The following CENPE variants were observed in gnomAD, a reference collection of about 807,000 sequenced individuals.
CENPE encodes the protein centromere protein E.
Under a neutral mutation model 336.1 loss-of-function variants are expected in CENPE, and 145 were observed. That is an observed-to-expected ratio of 0.43 (90% CI 0.38 to 0.50). The LOEUF (loss-of-function observed/expected upper bound fraction) is 0.50, where lower values mean the gene tolerates loss of function less well. CENPE is among the 20% of genes least tolerant of loss of function. The pLI, the probability that CENPE is intolerant of heterozygous loss-of-function variation, is 0.00. For missense variants in CENPE, 2,719 were observed against 3,023.3 expected (o/e 0.90, Z 2.36); for synonymous variants, 1,013 against 984.8 (o/e 1.03, Z -0.54).
intron 16 of CENPE, among the ~76,000 whole-genome samples, chr4:103,169,828 G>A (rs570640374): frequency 6.6e-6 from 1 of 152,142 alleles, no homozygotes; most frequent in Non-Finnish European, 1.5e-5. Flanking sequence ...AAAGACACAT[G>A]CACACGTATA....
rs776221814 is a variant in CENPE at position 103,151,247 on chromosome 4, G to T, written c.3368C>A (p.Ala1123Glu). 1.3e-6 allele frequency: 2 copies of T among 1,598,032 alleles called. No individual in the cohort carries two copies. The highest frequency in any genetic ancestry group is 4.5e-5 in the East Asian group (2 of 44,488). Reference protein sequence around the residue: ...GELSRTCDRLAEVEEKLKEKS... With the variant: ...GELSRTCDRLEEVEEKLKEKS... ...TTCCTTTAGTTTTTCTTCAACTTCT[G>T]CCAGTCTGTCACAGGTCCTAGAAAG... Residue 1123 changes from alanine to glutamate, a missense_variant, in exon 26 of 49, where the codon GCA (alanine) becomes GAA (glutamate). Ala to Glu is a moderately radical substitution (Grantham distance 107, BLOSUM62 -1). This residue lies in a region of CENPE where 2,437 missense variants were observed against 2,513.3 expected (regional missense o/e 0.97). Transcript: ENST00000265148.
chr4:103,117,622 CT>C lies in CENPE; in HGVS notation c.7330-934del, dbSNP rs771337112. On this transcript the variant is annotated intron_variant, in intron 44 of 48. Coordinates refer to ENST00000265148, the MANE Select transcript of CENPE (RefSeq NM_001813.3). ...ATTAAAAGTCCACTCATTTTCTTTC[CT>C]TTTTTTTTTTTTTTTTTTTTTTAAG... 2.7e-3 allele frequency among the ~76,000 whole-genome samples: 315 copies of C among 115,050 alleles called. 1 individual carries two copies. Among genetic ancestry groups the C allele is most frequent in the South Asian group, 0.012 (43 of 3,698 alleles). 75.5% of individuals were successfully genotyped at this position (115,050 alleles called of 152,430 possible). A position where few individuals can be genotyped will look rare whatever the true frequency, so the allele number is the denominator to read the frequency against.
intron 42 of CENPE, among the ~76,000 whole-genome samples, chr4:103,125,517 A>T (rs185060564): frequency 2.3e-4 from 34 of 150,300 alleles, no homozygotes; most frequent in African/African-American, 7.1e-4. Context: ...AACAATGATT[A>T]AAAAAAAAAT....
intron 16 of CENPE, among the ~76,000 whole-genome samples, chr4:103,169,583 T>C (rs968363589): frequency 1.3e-5 from 2 of 152,158 alleles, no homozygotes; most frequent in Non-Finnish European, 2.9e-5. Flanking sequence ...TGGTTAGCAG[T>C]AGACTTCTAA....
intron 39 of CENPE, 117 bp from the exon 40 acceptor site, chr4:103,136,476 A>G: frequency 1.6e-6 from 1 of 631,592 alleles, no homozygotes; most frequent in Non-Finnish European, 2.6e-6. Flanking sequence ...TAGGAGAGAA[A>G]TAAAGACCTT....
intron 24 of CENPE, among the ~76,000 whole-genome samples, chr4:103,154,056 G>A (rs1167930717): frequency 6.6e-6 from 1 of 152,110 alleles, no homozygotes; most frequent in Non-Finnish European, 1.5e-5. Flanking sequence ...GACAGAGACT[G>A]AAATTACTAT....
In CENPE at chr4:103,173,992, C is replaced by T. The variant is rs977501028; in HGVS notation, c.1647+744G>A. Among the ~76,000 whole-genome samples, 40 of 152,002 alleles carry T rather than the reference C, an allele frequency of 2.6e-4. No homozygotes were observed. The Middle Eastern group carries it at 0.014, about 52-fold the overall frequency. On this transcript the variant is annotated intron_variant, in intron 16 of 48. Coordinates refer to ENST00000265148, the MANE Select transcript of CENPE (RefSeq NM_001813.3). ...ACTACCATAAGATCCAGCAGTCCTA[C>T]TACTGGGCATGTACCCAAAGGAACT...
intron 47 of CENPE, among the ~76,000 whole-genome samples, chr4:103,110,527 A>G (rs1225554604): frequency 6.6e-6 from 1 of 152,156 alleles, no homozygotes; most frequent in Non-Finnish European, 1.5e-5. Flanking sequence ...CTCTAAGTAA[A>G]GCCTCACTGG....
At chr4:103,130,704 T>G (rs569081720) in intron 42 of CENPE, among the ~76,000 whole-genome samples, 1 of 152,246 alleles carries the variant, frequency 6.6e-6, no homozygotes, top group East Asian at 1.9e-4. Context: ...ACCAACACAA[T>G]GCTGAAGAAC....
chr4:103,106,197 C>G lies in CENPE; in HGVS notation c.*25G>C. 1.4e-6 allele frequency: 2 copies of G among 1,457,042 alleles called. No individual in the cohort carries two copies. The highest frequency in any genetic ancestry group is 1.9e-6 in the Non-Finnish European group (2 of 1,073,412). 90.3% of individuals were successfully genotyped at this position (1,457,042 alleles called of 1,614,324 possible). A position where few individuals can be genotyped will look rare whatever the true frequency, so the allele number is the denominator to read the frequency against. ...CATTTCCAAATAAGGAATGCTGGAT[C>G]TCCAGAGAAGTGACAAAGAGGAGTC... On this transcript the variant is annotated 3_prime_UTR_variant, in exon 49 of 49. Transcript: ENST00000265148.
intron 46 of CENPE, among the ~76,000 whole-genome samples, chr4:103,113,911 A>G (rs990992602): frequency 2.0e-5 from 3 of 151,922 alleles, no homozygotes; most frequent in African/African-American, 7.2e-5. Flanking sequence ...GACAGACAGA[A>G]TATGAATAAA....
Position 103,108,829 on chromosome 4 carries a change from T to C in CENPE, c.7985A>G (p.Asp2662Gly). ...TGGACAAAGGCCTAAACTTGAGTTA[T>C]CAAAATAGCGAACTGGATGAGGTGA... Reference protein sequence around the residue: ...LPSPHPVRYFDNSSLGLCPEV... With the variant: ...LPSPHPVRYFGNSSLGLCPEV... Residue 2662 changes from aspartate to glycine, a missense_variant, in exon 48 of 49, where the codon GAT becomes GGT. Physicochemically the swap from Asp to Gly is moderately conservative, Grantham distance 94. Coordinates refer to ENST00000265148, the MANE Select transcript of CENPE (RefSeq NM_001813.3). 1 of 1,613,760 alleles carries C rather than the reference T, an allele frequency of 6.2e-7. No homozygotes were observed. The highest frequency in any genetic ancestry group is 8.5e-7 in the Non-Finnish European group (1 of 1,179,776).
chr4:103,152,604 C>T (rs1273351910), intron 25 of CENPE, among the ~76,000 whole-genome samples: 4 of 152,060 alleles, frequency 2.6e-5, no homozygotes, highest in Non-Finnish European at 5.9e-5. Context: ...TAGCCAAATA[C>T]TGAACGGAAC....
intron 16 of CENPE, among the ~76,000 whole-genome samples, chr4:103,167,531 A>G (rs1578647701): frequency 6.6e-6 from 1 of 152,218 alleles, no homozygotes; most frequent in East Asian, 1.9e-4. Context: ...CTTTAAGACA[A>G]TACTTCTGAG....
chr4:103,129,770 T>C (rs1379252211), intron 42 of CENPE, among the ~76,000 whole-genome samples: 4 of 151,916 alleles, frequency 2.6e-5, no homozygotes, highest in Non-Finnish European at 5.9e-5. Context: ...TAAAAAAAGA[T>C]GTGAAAATCT....
chr4:103,138,878 CAAAT>C (rs1390906981), intron 38 of CENPE, among the ~76,000 whole-genome samples: 2 of 152,094 alleles, frequency 1.3e-5, no homozygotes, highest in Admixed American at 1.3e-4. Flanking sequence ...ACCAGGAAAA[CAAAT>C]AAATTAGATT....
At position 103,116,705 on chromosome 4, in the gene CENPE, A is replaced by G. The variant is rs1750147697; in HGVS notation, c.7330-16T>C. ...CAACTTTGTCCTAAATTTTTTTTAG[A>G]GAAAATAAAAATAATTATTAGAGGC... On this transcript the variant is annotated splice_polypyrimidine_tract_variant and intron_variant, in intron 44 of 48. Coordinates refer to ENST00000265148, the MANE Select transcript of CENPE (RefSeq NM_001813.3). The G allele has an allele frequency of 7.2e-7, 1 of 1,385,720 alleles. No homozygotes were observed. The highest frequency in any genetic ancestry group is 1.0e-6 in the Non-Finnish European group (1 of 1,004,374). 85.8% of individuals were successfully genotyped at this position (1,385,720 alleles called of 1,614,324 possible).
intron 38 of CENPE, 70 bp from the exon 39 acceptor site, chr4:103,138,519 C>T (rs1410219107): frequency 1.0e-6 from 1 of 953,782 alleles, no homozygotes; most frequent in Middle Eastern, 2.1e-4. Flanking sequence ...TCTAATCGCA[C>T]ACTTCTAAAT....
intron 16 of CENPE, among the ~76,000 whole-genome samples, chr4:103,164,354 A>AGAGTT (rs1203791517): frequency 5.3e-5 from 8 of 152,100 alleles, no homozygotes; most frequent in Non-Finnish European, 1.2e-4. Context: ...GAGCACTTAC[A>AGAGTT]GAGTAAAAGC....
Sources: gnomAD v4.1 joint callset for allele counts (sites outside exome capture counted in the v4.1 genomes callset) on GRCh38, gnomAD v4.1.1 for gene constraint, gnomAD v4.1.1 regional missense constraint, MANE v1.5 for transcripts, NCBI Gene and HGNC (gene_info 2026-07-23, HGNC 2026-07-21) for gene names.